MMACHC: variants seen among roughly 807,000 people sequenced by gnomAD.
The protein encoded by MMACHC is cyanocobalamin reductase / alkylcobalamin dealkylase.
MMACHC carries 14 observed loss-of-function variants against 17.6 expected under a neutral mutation model. That is an observed-to-expected ratio of 0.80 (90% confidence interval 0.53 to 1.25). The LOEUF (loss-of-function observed/expected upper bound fraction) is 1.25. MMACHC is among the 50% of genes most tolerant of loss of function. The pLI is 0.00. For missense variants in MMACHC, 392 were observed against 364.5 expected, an observed-to-expected ratio of 1.08 and a Z score of -0.62; for synonymous variants, 151 against 142.1, an observed-to-expected ratio of 1.06 and a Z score of -0.45.
rs1312469765 is a variant in MMACHC, at chr1:45,507,666, C to T, written c.276+116C>T. ...GAGCCACTTCAAAGGTGAAATGATA[C>T]CCTAAAGCCAGGCTTGACATTCTGT... is the stretch of plus-strand genomic sequence containing the variant. On this transcript the variant is annotated intron_variant, in intron 2 of 3. Coordinates refer to ENST00000401061, the MANE Select transcript of MMACHC (RefSeq NM_015506.3). 4 of 1,180,386 alleles carry T rather than the reference C, an allele frequency of 3.4e-6. No individual in the cohort carries two copies. The African/African-American group carries it at 6.1e-5, about 18-fold the overall frequency. The allele number at this position is 1,180,386 out of a possible 1,614,324, so 73.1% of individuals were successfully genotyped here.
rs1553163069 is a variant in MMACHC, at chr1:45,509,432, T to TTTTTA, written c.*217_*218insTTTTA. 6.5e-5 allele frequency: 35 copies of TTTTTA among 539,960 alleles called. No individual in the cohort carries two copies. The East Asian group carries it at 1.2e-3, about 19-fold the overall frequency. The allele number at this position is 539,960 out of a possible 1,614,324, so 33.4% of individuals were successfully genotyped here. A position where few individuals can be genotyped will look rare whatever the true frequency, so the allele number is the denominator to read the frequency against. ...TTCAAATGAGTTTTTTTTTTTTTTT[T>TTTTTA]AGACAGAGTCTTACTCTGTCACCTA... On this transcript the variant is annotated 3_prime_UTR_variant, in exon 4 of 4. Coordinates refer to ENST00000401061, the MANE Select transcript of MMACHC (RefSeq NM_015506.3).
In MMACHC at chr1:45,510,091, AAG is replaced by A. The variant is rs201643497; in HGVS notation, c.*877_*878del. ...GACTCTGTCTCAAAAAAAAAAAAAA[AAG>A]TACCTACCTCAGGTAGGGACTGAAT... On this transcript the variant is annotated 3_prime_UTR_variant, in exon 4 of 4. Transcript: ENST00000401061. 604 of 151,872 alleles carry A rather than the reference AAG, an allele frequency of 4.0e-3. 3 individuals carry two copies. The highest frequency in any genetic ancestry group is 0.014 in the African/African-American group (576 of 41,372). 9.4% of individuals were successfully genotyped at this position (151,872 alleles called of 1,614,324 possible). A position where few individuals can be genotyped will look rare whatever the true frequency, so the allele number is the denominator to read the frequency against.
chr1:45,506,521 C>G (rs1182141148), intron 1 of MMACHC, among the ~76,000 whole-genome samples: 1 of 152,000 alleles, frequency 6.6e-6, no homozygotes, highest in Non-Finnish European at 1.5e-5. Context: ...GGGTCTCACT[C>G]TGTTGCCCAG....
At position 45,510,429 on chromosome 1, in the gene MMACHC, C is replaced by G. The variant is rs1368832329; in HGVS notation, c.*1214C>G. ...AACGAGCTTTGGCCAGGCACTGTGG[C>G]GCTCACCTGTAATCCCACCATTTTG... On this transcript the variant is annotated 3_prime_UTR_variant, in exon 4 of 4. Transcript: ENST00000401061. 4.6e-5 allele frequency: 7 copies of G among 152,194 alleles called. No individual in the cohort carries two copies. Among genetic ancestry groups the G allele is most frequent in the African/African-American group, 1.7e-4 (7 of 41,436 alleles). The allele number at this position is 152,194 out of a possible 1,614,324, so 9.4% of individuals were successfully genotyped here.
At position 45,509,416 on chromosome 1, in the gene MMACHC, G is replaced by GTTTTTGTTTTTTTTT. The variant is rs1643696715; in HGVS notation, c.*206_*207insGTTTTTTTTTTTTTT. 1 of 344,414 alleles carries GTTTTTGTTTTTTTTT rather than the reference G, an allele frequency of 2.9e-6. No individual in the cohort carries two copies. The highest frequency in any genetic ancestry group is 7.0e-5 in the East Asian group (1 of 14,278). The allele number at this position is 344,414 out of a possible 1,614,324, so 21.3% of individuals were successfully genotyped here. The stretch of plus-strand genomic sequence containing the variant: ...AGAATTCCCATCTGCCTTCAAATGA[G>GTTTTTGTTTTTTTTT]TTTTTTTTTTTTTTTTAGACAGAGT... On this transcript the variant is annotated 3_prime_UTR_variant, in exon 4 of 4. Coordinates refer to ENST00000401061, the MANE Select transcript of MMACHC (RefSeq NM_015506.3).
At chr1:45,507,594 G>A (rs1326728738) in intron 2 of MMACHC, 44 bp downstream of exon 2, 1 of 1,602,770 alleles carries the variant, frequency 6.2e-7, no homozygotes, top group Non-Finnish European at 8.5e-7. Flanking sequence ...ACCTACAGCT[G>A]CCTCCAGTTC....
intron 1 of MMACHC, among the ~76,000 whole-genome samples, chr1:45,501,616 T>C (rs1165983756): frequency 6.6e-6 from 1 of 152,240 alleles, no homozygotes; most frequent in Non-Finnish European, 1.5e-5. Context: ...ATGCCTGATG[T>C]GCTGGAAGCT....
chr1:45,512,064 TTTTTC>T lies in MMACHC; in HGVS notation c.*2854_*2858del, dbSNP rs1643759221. The T allele has an allele frequency of 7.3e-6, 1 of 136,212 alleles. No individual in the cohort carries two copies. Among genetic ancestry groups the T allele is most frequent in the African/African-American group, 2.7e-5 (1 of 36,870 alleles). 8.4% of individuals were successfully genotyped at this position (136,212 alleles called of 1,614,324 possible). A position where few individuals can be genotyped will look rare whatever the true frequency, so the allele number is the denominator to read the frequency against. On this transcript the variant is annotated 3_prime_UTR_variant, in exon 4 of 4. Transcript: ENST00000401061. ...ATGAGGCAAGGGGACTAATCTCTTA[TTTTTC>T]TTTTTTTTTTTTTTTTTTTTTTTTT...
At chr1:45,508,729 AATG>A in intron 3 of MMACHC, 64 bp from the exon 4 acceptor site, 1 of 1,547,656 alleles carries the variant, frequency 6.5e-7, no homozygotes, top group East Asian at 2.3e-5. Context: ...CCTAGCTTGC[AATG>A]ATGGCAGTTG....
rs140522266 is a variant in MMACHC at position 45,508,806 on chromosome 1, G to C, written c.440G>C (p.Gly147Ala). 531 of 1,613,974 alleles carry C rather than the reference G, an allele frequency of 3.3e-4. No homozygotes were observed. The highest frequency in any genetic ancestry group is 7.0e-4 in the Admixed American group (42 of 59,964). ...TCACCCTCTCCCCAGCGCATATCAGGTGTGTGCATACACCCCCGATTTGGG... is the reference window on the plus strand; with the variant it reads ...TCACCCTCTCCCCAGCGCATATCAGCTGTGTGCATACACCCCCGATTTGGG... ...ADPWGNQRIS[G>A]VCIHPRFGGW... is the part of the protein sequence containing the mutation. The change falls in exon 4 of 4, where the codon GGT (glycine) becomes GCT (alanine). Residue 147 changes from glycine to alanine, a missense_variant. Gly to Ala is a moderately conservative substitution (Grantham distance 60). Transcript: ENST00000401061.
In MMACHC at chr1:45,508,910, T is replaced by TC. The variant is rs1557608550; in HGVS notation, c.544_545insC (p.Cys182SerfsTer7). Reference sequence around the variant, plus strand: ...TCTGCCACCCAGAAAACCTCATGACTGTGTACCTACAAGAGCTGACCGTAT... The same window carrying TC: ...TCTGCCACCCAGAAAACCTCATGACTCGTGTACCTACAAGAGCTGACCGTAT... On this transcript the variant is annotated frameshift_variant, in exon 4 of 4. Coordinates refer to ENST00000401061, the MANE Select transcript of MMACHC (RefSeq NM_015506.3). LOFTEE classifies it low-confidence loss of function (END_TRUNC). 6.2e-7 allele frequency: 1 copy of TC among 1,614,150 alleles called. No individual in the cohort carries two copies. Among genetic ancestry groups the TC allele is most frequent in the Non-Finnish European group, 8.5e-7 (1 of 1,180,024 alleles).
chr1:45,509,205 CT>C lies in MMACHC; in HGVS notation c.840del (p.Gly281AlafsTer10), dbSNP rs757384010. On this transcript the variant is annotated frameshift_variant, in exon 4 of 4. Transcript: ENST00000401061. LOFTEE classifies it high-confidence loss of function. ...CCCAGGGTCTCACCACCTGCATCCCCTGGCCCTTGATTTTCTCCCATGTGGA... is the reference window on the plus strand; with the variant it reads ...CCCAGGGTCTCACCACCTGCATCCCCGGCCCTTGATTTTCTCCCATGTGGA... ...LSPRVSPPAS[P>X]GP 5 of 1,614,062 alleles carry C rather than the reference CT, an allele frequency of 3.1e-6. No individual in the cohort carries two copies. In the East Asian group the frequency reaches 1.1e-4, roughly 36 times the overall value.
At chr1:45,506,444 T>C (rs1643620945) in intron 1 of MMACHC, among the ~76,000 whole-genome samples, 1 of 152,168 alleles carries the variant, frequency 6.6e-6, no homozygotes, top group South Asian at 2.1e-4. Flanking sequence ...TTAGGAACTC[T>C]GCTCTGTGGG....
Position 45,507,421 on chromosome 1 carries a change from C to T in MMACHC, c.147C>T (p.Ala49=), listed in dbSNP as rs1570829648. ...FHLPLPGPTL[A]FLVLSTPAMF... ...TACCGCTGCCAGGACCTACCCTGGCCTTCCTGGTACTCAGCACGCCTGCCA... is the reference window on the plus strand; with the variant it reads ...TACCGCTGCCAGGACCTACCCTGGCTTTCCTGGTACTCAGCACGCCTGCCA... The change falls in exon 2 of 4, where the codon GCC becomes GCT. Residue 49 remains alanine, a synonymous_variant. Transcript: ENST00000401061. 4 of 1,614,182 alleles carry T rather than the reference C, an allele frequency of 2.5e-6. No homozygotes were observed. Among genetic ancestry groups the T allele is most frequent in the Non-Finnish European group, 3.4e-6 (4 of 1,180,046 alleles).
rs1643743740 is a variant in MMACHC, at chr1:45,511,471, C to G, written c.*2256C>G. The G allele has an allele frequency of 3.5e-6, 5 of 1,426,104 alleles. 1 individual carries two copies. The South Asian group carries it at 6.0e-5, about 17-fold the overall frequency. The allele number at this position is 1,426,104 out of a possible 1,614,324, so 88.3% of individuals were successfully genotyped here. On this transcript the variant is annotated 3_prime_UTR_variant, in exon 4 of 4. Transcript: ENST00000401061. ...CTTCTCAATGGTATGCACCACCATTCTCCTATGGACAAAACCAGTTCTGCA... is the reference window on the plus strand; with the variant it reads ...CTTCTCAATGGTATGCACCACCATTGTCCTATGGACAAAACCAGTTCTGCA...
intron 1 of MMACHC, 98 bp downstream of exon 1, chr1:45,500,511 T>C (rs530509593): frequency 6.6e-5 from 75 of 1,134,500 alleles, no homozygotes; most frequent in South Asian, 2.0e-4. Flanking sequence ...CCTGGGTTCC[T>C]GCAGCCCAGT....
chr1:45,500,583 G>T (rs1643524003), intron 1 of MMACHC, among the ~76,000 whole-genome samples, 170 bp downstream of exon 1: 1 of 152,166 alleles, frequency 6.6e-6, no homozygotes, highest in South Asian at 2.1e-4. Flanking sequence ...TAGTGGTCGA[G>T]GCCGGGCATG....
rs1215053351 is a variant in MMACHC at position 45,511,809 on chromosome 1, C to CA, written c.*2595dup. 6.4e-6 allele frequency: 1 copy of CA among 155,426 alleles called. No individual in the cohort carries two copies. The highest frequency in any genetic ancestry group is 1.4e-5 in the Non-Finnish European group (1 of 70,432). 9.6% of individuals were successfully genotyped at this position (155,426 alleles called of 1,614,324 possible). ...TTCAGAGCTCTGAAGACAGCAAACT[C>CA]AGTCTGCCTTCTCAGCATTCTTCTA... On this transcript the variant is annotated 3_prime_UTR_variant, in exon 4 of 4. Transcript: ENST00000401061.
intron 1 of MMACHC, among the ~76,000 whole-genome samples, chr1:45,506,168 G>C (rs932876174): frequency 1.4e-4 from 22 of 152,196 alleles, no homozygotes; most frequent in African/African-American, 5.3e-4. Context: ...TGTGTCATTT[G>C]AGGATGAGTT....
Sources: allele counts gnomAD v4.1 joint callset (sites outside exome capture counted in the v4.1 genomes callset), GRCh38; gene constraint gnomAD v4.1.1; transcripts MANE v1.5; gene names NCBI Gene and HGNC (gene_info 2026-07-23, HGNC 2026-07-21).